The following F8 variants were observed in gnomAD, a reference collection of about 807,000 sequenced individuals.
F8 encodes the protein antihemophilic factor.
A neutral mutation model predicts 140.6 loss-of-function variants in F8; 12 were observed. That is an observed-to-expected ratio of 0.09 (90% CI 0.05 to 0.14). The LOEUF (loss-of-function observed/expected upper bound fraction) is 0.14. F8 is among the 10% of genes least tolerant of loss of function. F8 has a pLI of 1.00. For missense variants in F8, 1,354 were observed against 1,720.7 expected, an observed-to-expected ratio of 0.79 and a Z score of 3.77; for synonymous variants, 585 against 614.6, an observed-to-expected ratio of 0.95 and a Z score of 0.71.
chrX:154,975,015 T>A (rs2073477393), intron 6 of F8, among the ~76,000 whole-genome samples: 1 of 111,864 alleles, frequency 8.9e-6, no homozygotes. Flanking sequence ...GACTTTTTTT[T>A]ATCTTTTCAA....
At chrX:154,938,154 CT>C (rs782780763) in intron 13 of F8, among the ~76,000 whole-genome samples, 56 of 109,011 alleles carry the variant, frequency 5.1e-4, no homozygotes, top group Non-Finnish European at 5.0e-4. Context: ...TGTTTTTTTG[CT>C]TTTTTTTTGT....
intron 1 of F8, among the ~76,000 whole-genome samples, chrX:155,007,248 A>G (rs1016269111): frequency 1.8e-5 from 2 of 112,786 alleles, no homozygotes; most frequent in African/African-American, 3.2e-5. Flanking sequence ...GGAAGCACAA[A>G]CCAACAACAC....
chrX:154,929,745 T>C lies in F8; in HGVS notation c.4045A>G (p.Arg1349Gly), dbSNP rs937701134. 4.1e-6 allele frequency: 5 copies of C among 1,209,023 alleles called. No homozygotes were observed. The African/African-American group carries it at 8.8e-5, about 21-fold the overall frequency. ...GTTGAGGTGTCATCCACAATTATCC[T>C]TTTTTCAAGTTCTGTTTCTTCTAGT... ...LPLEETELEKRIIVDDTSTQW... is the reference protein window; with the variant it reads ...LPLEETELEKGIIVDDTSTQW... Residue 1349 changes from arginine (R) to glycine (G), a missense_variant, in exon 14 of 26, where the codon AGG (arginine) becomes GGG (glycine). Physicochemically the swap from Arg to Gly is moderately radical, Grantham distance 125 (BLOSUM62 -2). Coordinates refer to ENST00000360256, the MANE Select transcript of F8 (RefSeq NM_000132.4).
chrX:154,912,439 C>T (rs2073073327), intron 14 of F8, among the ~76,000 whole-genome samples: 1 of 112,466 alleles, frequency 8.9e-6, no homozygotes, highest in South Asian at 3.7e-4. Context: ...GTTTTCCCAA[C>T]ATCATTTATT....
At chrX:154,857,334 C>A (rs1343845973) in intron 25 of F8, among the ~76,000 whole-genome samples, 1 of 111,652 alleles carries the variant, frequency 9.0e-6, no homozygotes, top group East Asian at 2.8e-4. Flanking sequence ...CATGTCTGAG[C>A]AGGTACTGAA....
chrX:154,935,338 G>A (rs1411275666), intron 13 of F8, among the ~76,000 whole-genome samples: 1 of 111,943 alleles, frequency 8.9e-6, no homozygotes, highest in Non-Finnish European at 1.9e-5. Context: ...GAAGACGTAT[G>A]GGTCAATGGA....
At chrX:154,901,835 T>G (rs1280885120) in intron 19 of F8, among the ~76,000 whole-genome samples, 3 of 111,829 alleles carry the variant, frequency 2.7e-5, no homozygotes, top group Non-Finnish European at 3.8e-5. Flanking sequence ...TTTTTGTCAA[T>G]TATTTAGAGC....
chrX:154,935,978 AG>A (rs1255627403), intron 13 of F8, among the ~76,000 whole-genome samples: 2 of 81,019 alleles, frequency 2.5e-5, no homozygotes, highest in African/African-American at 4.9e-5. Flanking sequence ...AGAATGCCAA[AG>A]TAACACACAC....
At chrX:154,947,667 C>A in intron 13 of F8, 31 bp downstream of exon 13, 3 of 1,114,763 alleles carry the variant, frequency 2.7e-6, no homozygotes, top group Non-Finnish European at 3.7e-6. Context: ...GCATTCACAG[C>A]TGTTGGTACA....
Position 154,957,081 on chromosome X carries a change from G to A in F8, c.1628C>T (p.Ser543Leu). ...TVTVEDGPTK[S>L]DPRCLTRYYS... ...ATAGCGGGTCAGGCACCGAGGATCT[G>A]ATTTAGTTGGCCCATCTTCTACAGT... The change falls in exon 11 of 26, where the codon TCA (serine) becomes TTA (leucine). Residue 543 changes from serine (S) to leucine (L), a missense_variant. Coordinates refer to ENST00000360256, the MANE Select transcript of F8 (RefSeq NM_000132.4). 2 of 1,209,942 alleles carry A rather than the reference G, an allele frequency of 1.7e-6. No individual in the cohort carries two copies. The highest frequency in any genetic ancestry group is 1.1e-6 in the Non-Finnish European group (1 of 894,058).
intron 2 of F8, among the ~76,000 whole-genome samples, chrX:154,998,061 G>C (rs1287258476): frequency 8.9e-6 from 1 of 112,335 alleles, no homozygotes; most frequent in Non-Finnish European, 1.9e-5. Flanking sequence ...ATTTTTCTTA[G>C]ACCACTGCTT....
chrX:154,861,354 C>A (rs1455228697), intron 24 of F8, among the ~76,000 whole-genome samples: 1 of 111,648 alleles, frequency 9.0e-6, no homozygotes. Context: ...CCTTTGTATC[C>A]CTAGGCTCAT....
Position 154,972,068 on chromosome X carries a change from T to C in F8, c.788-2516A>G, listed in dbSNP as rs1040448815. ...GTAGTGGGATTGCTAGAAAATATGA[T>C]AGATCTATTTTTAATTTTTGAGGCA... On this transcript the variant is annotated intron_variant, in intron 6 of 25. Transcript: ENST00000360256. 8.9e-5 allele frequency among the ~76,000 whole-genome samples: 10 copies of C among 112,355 alleles called. No homozygotes were observed. The South Asian group carries it at 2.6e-3, about 29-fold the overall frequency.
chrX:154,879,590 G>A (rs181402358), intron 22 of F8, among the ~76,000 whole-genome samples: 1 of 112,192 alleles, frequency 8.9e-6, no homozygotes, highest in Admixed American at 9.4e-5. Context: ...CCCAACTGTA[G>A]CCTAATTGTA....
intron 25 of F8, among the ~76,000 whole-genome samples, chrX:154,843,025 C>T (rs1048071322): frequency 1.8e-5 from 2 of 111,585 alleles, no homozygotes; most frequent in Non-Finnish European, 3.8e-5. Context: ...CAATTCCCAC[C>T]TACGAGTGAG....
chrX:154,935,869 A>G (rs2073221456), intron 13 of F8, among the ~76,000 whole-genome samples: 1 of 110,916 alleles, frequency 9.0e-6, no homozygotes, highest in Non-Finnish European at 1.9e-5. Flanking sequence ...TAAATGCAAT[A>G]CCAGAAGAAG....
intron 12 of F8, among the ~76,000 whole-genome samples, chrX:154,952,691 C>T (rs1313415899): frequency 1.0e-4 from 11 of 110,434 alleles, no homozygotes; most frequent in Non-Finnish European, 1.7e-4. Flanking sequence ...TACAGGCGGC[C>T]GCCACCATGC....
intron 22 of F8, among the ~76,000 whole-genome samples, chrX:154,876,414 C>T (rs782732933): frequency 9.0e-6 from 1 of 111,202 alleles, no homozygotes; most frequent in Non-Finnish European, 1.9e-5. Context: ...CCACCGTGCC[C>T]GGCTGGAAAT....
At chrX:154,906,714 C>A (rs2073040287) in intron 14 of F8, 141 bp from the exon 15 acceptor site, 5 of 551,838 alleles carry the variant, frequency 9.1e-6, no homozygotes, top group Non-Finnish European at 1.5e-5. Flanking sequence ...TCTTGCCAAG[C>A]TTTATTAGCA....
Sources: gnomAD v4.1 joint callset for allele counts (sites outside exome capture counted in the v4.1 genomes callset) on GRCh38, gnomAD v4.1.1 for gene constraint, MANE v1.5 for transcripts, NCBI Gene and HGNC (gene_info 2026-07-23, HGNC 2026-07-21) for gene names.